Variants in PCDHA10 observed in about 807,000 individuals in gnomAD.
PCDHA10 encodes the protein protocadherin alpha-10.
Under a neutral mutation model 61.2 loss-of-function variants are expected in PCDHA10, and 45 were observed. The ratio of observed to expected loss-of-function variants is 0.74; its 90% CI spans 0.58 to 0.94. The LOEUF (loss-of-function observed/expected upper bound fraction) is 0.94. Ranked by LOEUF, PCDHA10 falls within the 40% of genes least tolerant of loss-of-function variation. PCDHA10 has a pLI of 0.00. For missense variants in PCDHA10, 1,278 were observed against 1,236.2 expected (o/e 1.03, Z -0.51); for synonymous variants, 602 against 548.8 (o/e 1.10, Z -1.35).
rs1325390456 is a variant in PCDHA10, at chr5:140,928,073, A to G, written c.2389-50876A>G. 8.7e-6 allele frequency: 14 copies of G among 1,614,066 alleles called. No homozygotes were observed. The highest frequency in any genetic ancestry group is 8.0e-5 in the African/African-American group (6 of 74,934). On this transcript the variant is annotated intron_variant, in intron 1 of 3. Coordinates refer to ENST00000307360, the MANE Select transcript of PCDHA10 (RefSeq NM_018901.4). ...CAGCTGACGGCTTCCTTTGACAACTACTACAGCCTGCTGATTGATGGGCCC... is the reference window on the plus strand; with the variant it reads ...CAGCTGACGGCTTCCTTTGACAACTGCTACAGCCTGCTGATTGATGGGCCC...
At chr5:140,918,562 A>G (rs536690328) in intron 1 of PCDHA10, among the ~76,000 whole-genome samples, 17 of 152,330 alleles carry the variant, frequency 1.1e-4, no homozygotes, top group African/African-American at 3.4e-4. Context: ...AGAAGAATGT[A>G]TATTATGCTG....
chr5:140,879,816 G>C (rs1232945342), intron 1 of PCDHA10, among the ~76,000 whole-genome samples: 9 of 152,196 alleles, frequency 5.9e-5, no homozygotes, highest in African/African-American at 2.2e-4. Flanking sequence ...TTGGCTGTTG[G>C]TGTTCCCTGG....
intron 1 of PCDHA10, among the ~76,000 whole-genome samples, chr5:140,972,784 C>T (rs2096555970): frequency 1.3e-5 from 2 of 151,762 alleles, no homozygotes; most frequent in South Asian, 4.2e-4. Context: ...CTGCCTCAGC[C>T]TCCTGAGTAG....
chr5:140,955,073 C>T (rs2095133365), intron 1 of PCDHA10, among the ~76,000 whole-genome samples: 1 of 152,146 alleles, frequency 6.6e-6, no homozygotes, highest in South Asian at 2.1e-4. Context: ...TGTTGAAGAT[C>T]AGATGGTTGT....
At chr5:140,935,665 T>C (rs2090490152) in intron 1 of PCDHA10, among the ~76,000 whole-genome samples, 1 of 152,182 alleles carries the variant, frequency 6.6e-6, no homozygotes, top group Non-Finnish European at 1.5e-5. Context: ...TCTTTTATAA[T>C]TATGTGAAAT....
At chr5:140,993,462 TCACACACA>T (rs3836747) in intron 3 of PCDHA10, among the ~76,000 whole-genome samples, 8,792 of 140,974 alleles carry the variant, frequency 0.062, 316 homozygotes, top group South Asian at 0.11. Flanking sequence ...TCTTTCTTTC[TCACACACA>T]CACACACACA....
chr5:140,982,584 C>T (rs1554244599), intron 3 of PCDHA10, 21 bp downstream of exon 3: 1 of 1,612,032 alleles, frequency 6.2e-7, no homozygotes, highest in East Asian at 2.2e-5. Flanking sequence ...GGGGTCTCTC[C>T]ATTCTTTCTT....
chr5:141,009,710 C>A lies in PCDHA10; in HGVS notation c.2620C>A (p.Pro874Thr), dbSNP rs2098413865. 1 of 1,613,980 alleles carries A rather than the reference C, an allele frequency of 6.2e-7. No individual in the cohort carries two copies. Among genetic ancestry groups the A allele is most frequent in the African/African-American group, 1.3e-5 (1 of 74,884 alleles). Residue 874 changes from proline (P) to threonine (T), a missense_variant, in exon 4 of 4, where the codon CCC becomes ACC. Pro to Thr is a conservative substitution (Grantham distance 38). Transcript: ENST00000307360. ...GACCTTTAAATACGGACCAGGCAAC[C>A]CCAAACAATCCGGTCCCGGTGAGTT... ...SWTFKYGPGN[P>T]KQSGPGELPD...
At chr5:141,001,143 G>T (rs1310182286) in intron 3 of PCDHA10, among the ~76,000 whole-genome samples, 1 of 151,914 alleles carries the variant, frequency 6.6e-6, no homozygotes, top group Admixed American at 6.5e-5. Context: ...ATCTTCTGTT[G>T]CTCTGATCTT....
At chr5:140,926,598 G>A (rs2083387215) in intron 1 of PCDHA10, 1 of 313,802 alleles carries the variant, frequency 3.2e-6, no homozygotes. Flanking sequence ...CGGGCGGGCG[G>A]CCTCGTCTCT....
At chr5:140,902,709 TC>T (rs1248555909) in intron 1 of PCDHA10, among the ~76,000 whole-genome samples, 11 of 152,060 alleles carry the variant, frequency 7.2e-5, no homozygotes, top group Admixed American at 4.6e-4. Flanking sequence ...TATCTTTCAC[TC>T]CCCTCCCACC....
At chr5:140,961,113 C>T (rs2095591220) in intron 1 of PCDHA10, among the ~76,000 whole-genome samples, 1 of 152,190 alleles carries the variant, frequency 6.6e-6, no homozygotes, top group Non-Finnish European at 1.5e-5. Context: ...AACCCCCTTG[C>T]ATCTTAATGT....
chr5:140,861,534 A>G lies in PCDHA10; in HGVS notation c.2388+3098A>G, dbSNP rs1004709017. ...GCTGTGTGGGAGGATCTCGGAGTGCAGCATCCACCTGGAAGTGATCGTGGA... is the reference window on the plus strand; with the variant it reads ...GCTGTGTGGGAGGATCTCGGAGTGCGGCATCCACCTGGAAGTGATCGTGGA... On this transcript the variant is annotated intron_variant, in intron 1 of 3. Coordinates refer to ENST00000307360, the MANE Select transcript of PCDHA10 (RefSeq NM_018901.4). The G allele has an allele frequency of 4.9e-5, 22 of 448,754 alleles. No individual in the cohort carries two copies. The Middle Eastern group carries it at 3.2e-3, about 66-fold the overall frequency. The allele number at this position is 448,754 out of a possible 1,614,324, so 27.8% of individuals were successfully genotyped here.
chr5:140,927,826 G>A (rs782694866), intron 1 of PCDHA10: 1 of 1,614,194 alleles, frequency 6.2e-7, no homozygotes, highest in Middle Eastern at 1.6e-4. Context: ...ATACATTGAG[G>A]CGAGGGACGA....
intron 1 of PCDHA10, chr5:140,876,238 C>G (rs782170059): frequency 2.5e-6 from 4 of 1,613,896 alleles, no homozygotes; most frequent in Non-Finnish European, 3.4e-6. Context: ...TGAAAATGTC[C>G]AAAACGACAC....
At chr5:140,928,208 A>G in intron 1 of PCDHA10, 1 of 1,614,228 alleles carries the variant, frequency 6.2e-7, no homozygotes, top group Non-Finnish European at 8.5e-7. Context: ...GCTGATGTGA[A>G]TGACAATACA....
At chr5:140,904,826 TTA>T (rs1554191735) in intron 1 of PCDHA10, among the ~76,000 whole-genome samples, 2 of 152,206 alleles carry the variant, frequency 1.3e-5, no homozygotes, top group South Asian at 4.1e-4. Context: ...GAGCATTTTT[TTA>T]TATGTTTCAT....
At chr5:141,009,482 C>T in intron 3 of PCDHA10, 145 bp from the exon 4 acceptor site, 1 of 1,446,086 alleles carries the variant, frequency 6.9e-7, no homozygotes, top group Non-Finnish European at 9.1e-7. Flanking sequence ...TAAACACTTG[C>T]CTTGCCCTCA....
chr5:140,874,662 G>A (rs1478767625), intron 1 of PCDHA10, among the ~76,000 whole-genome samples: 1 of 152,170 alleles, frequency 6.6e-6, no homozygotes, highest in Non-Finnish European at 1.5e-5. Flanking sequence ...AAACTTTCCA[G>A]AATCTATTCC....
Sources: gnomAD v4.1 joint callset for allele counts (sites outside exome capture counted in the v4.1 genomes callset) on GRCh38, gnomAD v4.1.1 for gene constraint, MANE v1.5 for transcripts, NCBI Gene and HGNC (gene_info 2026-07-23, HGNC 2026-07-21) for gene names.